The following LY6S variants were observed in gnomAD, a reference collection of about 807,000 sequenced individuals.
LY6S encodes the protein lymphocyte antigen 6S.
the LY6S span, chr8:143,056,948 A>T: frequency 1.6e-5 from 3 of 189,250 alleles, no homozygotes; most frequent in African/African-American, 7.2e-5. Flanking sequence ...AAATAAAAGT[A>T]ATATAGTTTT....
the LY6S span, among the ~76,000 whole-genome samples, chr8:143,070,412 GTA>G: frequency 0.075 from 7,060 of 93,916 alleles, 729 homozygotes; most frequent in East Asian, 0.18. Flanking sequence ...TTTTATTTAT[GTA>G]TATATATTTA....
At chr8:143,058,338 G>A in the LY6S span, among the ~76,000 whole-genome samples, 1 of 152,222 alleles carries the variant, frequency 6.6e-6, no homozygotes, top group African/African-American at 2.4e-5. Context: ...AAAGGGGCAG[G>A]ATAAGAAGAG....
At chr8:143,044,769 C>G in the LY6S span, 3 of 1,367,368 alleles carry the variant, frequency 2.2e-6, no homozygotes, top group Admixed American at 5.7e-5. Context: ...CTTCCAAGAC[C>G]GCCAAGCATC....
the LY6S span, among the ~76,000 whole-genome samples, chr8:143,044,406 C>G: frequency 6.6e-6 from 1 of 152,096 alleles, no homozygotes; most frequent in Non-Finnish European, 1.5e-5. Flanking sequence ...TGGGCGCCCC[C>G]TGCTCTAGAA....
At chr8:143,051,765 A>G in the LY6S span, among the ~76,000 whole-genome samples, 2 of 151,924 alleles carry the variant, frequency 1.3e-5, no homozygotes, top group African/African-American at 2.4e-5. Flanking sequence ...TGAGGTCAGG[A>G]GTTCTAGACC....
At chr8:143,055,400 G>A in the LY6S span, among the ~76,000 whole-genome samples, 1 of 152,098 alleles carries the variant, frequency 6.6e-6, no homozygotes, top group South Asian at 2.1e-4. Flanking sequence ...AACCTAGTGA[G>A]AATCCATAAG....
At chr8:143,070,256 A>G in the LY6S span, among the ~76,000 whole-genome samples, 1 of 149,722 alleles carries the variant, frequency 6.7e-6, no homozygotes, top group Non-Finnish European at 1.5e-5. Flanking sequence ...TAAGGACCCT[A>G]TTTTCAAATG....
the LY6S span, among the ~76,000 whole-genome samples, chr8:143,075,629 G>A: frequency 4.6e-5 from 7 of 152,088 alleles, no homozygotes; most frequent in African/African-American, 1.2e-4. The surrounding 1 kb of genome is among the most constrained non-coding windows in gnomAD (Gnocchi z 4.1). Context: ...ACTTGAGCCC[G>A]GGAGACAGAA....
chr8:143,065,782 T>TTTCTCTTTCTTTCTTTC, the LY6S span: 4 of 30,438 alleles, frequency 1.3e-4, no homozygotes, highest in African/African-American at 3.1e-4. Flanking sequence ...TCTTTCTTTC[T>TTTCTCTTTCTTTCTTTC]TTTTCTTTCT....
the LY6S span, among the ~76,000 whole-genome samples, chr8:143,055,375 T>C: frequency 6.6e-6 from 1 of 152,330 alleles, no homozygotes; most frequent in East Asian, 1.9e-4. Flanking sequence ...TGATAAAGAC[T>C]AATGTATGCC....
chr8:143,050,878 C>T, the LY6S span, among the ~76,000 whole-genome samples: 2 of 152,212 alleles, frequency 1.3e-5, no homozygotes, highest in African/African-American at 4.8e-5. Flanking sequence ...CCTAATACCT[C>T]GGCGCAAAAA....
At chr8:143,072,485 G>A in the LY6S span, among the ~76,000 whole-genome samples, 1 of 110,278 alleles carries the variant, frequency 9.1e-6, no homozygotes, top group African/African-American at 4.4e-5. Flanking sequence ...CCTCCCCGGG[G>A]TCCCTGTTTG....
chr8:143,044,230 A>G, the LY6S span: 1 of 456,166 alleles, frequency 2.2e-6, no homozygotes, highest in Non-Finnish European at 4.4e-6. Flanking sequence ...TCCTGCATGG[A>G]GCTGGTGAGA....
the LY6S span, among the ~76,000 whole-genome samples, chr8:143,061,471 CA>C: frequency 6.6e-6 from 1 of 152,128 alleles, no homozygotes; most frequent in Non-Finnish European, 1.5e-5. Context: ...AAAATCAAGG[CA>C]AATCCACAAT....
At chr8:143,044,902 A>G in the LY6S span, 1 of 1,166,998 alleles carries the variant, frequency 8.6e-7, no homozygotes, top group African/African-American at 1.6e-5. Context: ...TCTCACCACC[A>G]CCCTTGTCCC....
At chr8:143,060,669 G>A in the LY6S span, among the ~76,000 whole-genome samples, 13 of 152,146 alleles carry the variant, frequency 8.5e-5, no homozygotes, top group East Asian at 1.9e-4. Flanking sequence ...GGTCACTACC[G>A]GTCTCCACGC....
the LY6S span, among the ~76,000 whole-genome samples, chr8:143,061,620 C>T: frequency 6.6e-6 from 1 of 152,250 alleles, no homozygotes; most frequent in South Asian, 2.1e-4. Flanking sequence ...TCTTGGCTCA[C>T]TGCAAACTCC....
At chr8:143,064,074 C>A in the LY6S span, among the ~76,000 whole-genome samples, 1 of 152,194 alleles carries the variant, frequency 6.6e-6, no homozygotes, top group African/African-American at 2.4e-5. Context: ...AATTTGGGAG[C>A]CCCAGGGCTA....
the LY6S span, among the ~76,000 whole-genome samples, chr8:143,044,451 C>A: frequency 2.6e-5 from 4 of 152,074 alleles, no homozygotes; most frequent in Non-Finnish European, 1.5e-5. Context: ...GACCCACAAC[C>A]CTTAGGCTCA....
Sources: allele counts gnomAD v4.1 joint callset (sites outside exome capture counted in the v4.1 genomes callset), GRCh38; gene constraint gnomAD v4.1.1; non-coding constraint Gnocchi (gnomAD v3.1); transcripts MANE v1.5; gene names NCBI Gene and HGNC (gene_info 2026-07-23, HGNC 2026-07-21).